The following ATRIP variants were observed in gnomAD, a reference collection of about 807,000 sequenced individuals.
The protein encoded by ATRIP is ATR interacting protein.
In ATRIP, 44 loss-of-function variants were observed where a neutral mutation model predicts 78.1. The ratio of observed to expected loss-of-function variants is 0.56; its 90% CI spans 0.44 to 0.72. The LOEUF (loss-of-function observed/expected upper bound fraction) is 0.72. Ranked by LOEUF, ATRIP falls within the 30% of genes least tolerant of loss-of-function variation. The pLI is 0.00. For missense variants in ATRIP, 927 were observed against 980.2 expected, an observed-to-expected ratio of 0.95 and a Z score of 0.72; for synonymous variants, 388 against 408.9, an observed-to-expected ratio of 0.95 and a Z score of 0.62.
chr3:48,454,609 TATACTCTAGAA>T (rs1271728081), intron 4 of ATRIP, among the ~76,000 whole-genome samples, 191 bp downstream of exon 4: 2 of 152,194 alleles, frequency 1.3e-5, no homozygotes, highest in African/African-American at 4.8e-5. Context: ...CATAAAGGCC[TATACTCTAGAA>T]ATGCTGCCTC....
chr3:48,454,168 A>G (rs1372162380), intron 3 of ATRIP, 132 bp from the exon 4 acceptor site: 2 of 626,106 alleles, frequency 3.2e-6, no homozygotes, highest in Non-Finnish European at 5.8e-6. Flanking sequence ...ATATTTTAGG[A>G]CATTTATGTC....
intron 6 of ATRIP, 108 bp downstream of exon 6, chr3:48,459,562 G>T (rs2107222566): frequency 8.2e-7 from 1 of 1,220,566 alleles, no homozygotes. Context: ...CCTTCAGAGA[G>T]TCCAGGGAAG....
chr3:48,464,818 C>G lies in ATRIP; in HGVS notation c.2056-13C>G. 1 of 1,604,352 alleles carries G rather than the reference C, an allele frequency of 6.2e-7. No individual in the cohort carries two copies. Among genetic ancestry groups the G allele is most frequent in the Non-Finnish European group, 8.5e-7 (1 of 1,172,782 alleles). ...GTGGCACCAGGCCTCAGTCTGCACC[C>G]CCCCTCTCTCAGGTGGTCAGAGCGC... On this transcript the variant is annotated splice_polypyrimidine_tract_variant and intron_variant, in intron 11 of 12. Transcript: ENST00000320211.
At chr3:48,451,112 C>T (rs1055234222) in intron 2 of ATRIP, among the ~76,000 whole-genome samples, 2 of 151,890 alleles carry the variant, frequency 1.3e-5, no homozygotes, top group African/African-American at 4.8e-5. Flanking sequence ...TTGCTGGAAC[C>T]TGGGAGGTGA....
At position 48,467,070 on chromosome 3, in the gene ATRIP, G is replaced by A; in HGVS notation, c.*1516G>A. ...CTTCCCCCTGCTCCAAGCAGAGCTGGCTATGCTGGGCCTCACCAGTGCTCT... is the reference window on the plus strand; with the variant it reads ...CTTCCCCCTGCTCCAAGCAGAGCTGACTATGCTGGGCCTCACCAGTGCTCT... On this transcript the variant is annotated 3_prime_UTR_variant, in exon 13 of 13. Coordinates refer to ENST00000320211, the MANE Select transcript of ATRIP (RefSeq NM_130384.3). 6.2e-7 allele frequency: 1 copy of A among 1,613,988 alleles called. No individual in the cohort carries two copies. The highest frequency in any genetic ancestry group is 2.2e-5 in the East Asian group (1 of 44,876).
chr3:48,466,729 C>T lies in ATRIP; in HGVS notation c.*1175C>T, dbSNP rs201387759. 6 of 1,614,046 alleles carry T rather than the reference C, an allele frequency of 3.7e-6. No individual in the cohort carries two copies. In the African/African-American group the frequency reaches 4.0e-5, roughly 11 times the overall value. ...TTCGACATGGAGGCCACTGGCTTGC[C>T]CTTCTCCCAGCCCAAGGTCACGGAG... On this transcript the variant is annotated 3_prime_UTR_variant, in exon 13 of 13. Transcript: ENST00000320211.
Position 48,457,248 on chromosome 3 carries a change from A to G in ATRIP, c.672-11A>G. On this transcript the variant is annotated splice_polypyrimidine_tract_variant and intron_variant, in intron 4 of 12. Transcript: ENST00000320211. The stretch of plus-strand genomic sequence containing the variant: ...AATCATTACTTTGCTTTCATAGTTA[A>G]CTTTTTCCAGTCCTAGGAAAAACCC... 1 of 1,537,346 alleles carries G rather than the reference A, an allele frequency of 6.5e-7. No homozygotes were observed. Among genetic ancestry groups the G allele is most frequent in the East Asian group, 2.4e-5 (1 of 42,518 alleles).
At position 48,467,481 on chromosome 3, in the gene ATRIP, G is replaced by A; in HGVS notation, c.*1927G>A. On this transcript the variant is annotated 3_prime_UTR_variant, in exon 13 of 13. Transcript: ENST00000320211. ...CAGGGGTACCAAGGATCTTCCTCCA[G>A]TGAAGGACCCTGGAGCCCTATCCAG... The A allele has an allele frequency of 6.2e-7, 1 of 1,614,134 alleles. No homozygotes were observed. Among genetic ancestry groups the A allele is most frequent in the East Asian group, 2.2e-5 (1 of 44,886 alleles).
At chr3:48,458,988 A>C (rs1486012279) in intron 5 of ATRIP, among the ~76,000 whole-genome samples, 1 of 152,220 alleles carries the variant, frequency 6.6e-6, no homozygotes, top group Admixed American at 6.5e-5. Context: ...CAGTTTCCCT[A>C]TATGTAAAAC....
intron 8 of ATRIP, among the ~76,000 whole-genome samples, chr3:48,462,045 A>C (rs563548484): frequency 6.6e-6 from 1 of 152,204 alleles, no homozygotes; most frequent in East Asian, 2.0e-4. Context: ...AATGAATCCC[A>C]GGCTGGGCAC....
In ATRIP at chr3:48,447,025, G is replaced by C; in HGVS notation, c.180G>C (p.Leu60=). Residue 60 remains leucine (L), a synonymous_variant, in exon 1 of 13, where the codon CTG becomes CTC. Transcript: ENST00000320211. ...GAHGDFTADD[L]EELDTLASQA... is the part of the protein sequence containing the mutation. ...ATGGGGACTTCACTGCCGACGACCT[G>C]GAGGAGCTTGACACCCTCGCGTCAC... 1.9e-6 allele frequency: 3 copies of C among 1,574,288 alleles called. No homozygotes were observed. Among genetic ancestry groups the C allele is most frequent in the Non-Finnish European group, 2.6e-6 (3 of 1,162,908 alleles).
rs573397003 is a variant in ATRIP, at chr3:48,465,773, A to G, written c.*219A>G. On this transcript the variant is annotated 3_prime_UTR_variant, in exon 13 of 13. Transcript: ENST00000320211. The stretch of plus-strand genomic sequence containing the variant: ...CCTGGCTGTTGCTGAGCCCGTCCCC[A>G]TGGTAACTGATCTGCCTTGAGGAAG... 58 of 525,264 alleles carry G rather than the reference A, an allele frequency of 1.1e-4. No individual in the cohort carries two copies. Among genetic ancestry groups the G allele is most frequent in the South Asian group, 1.0e-3 (52 of 50,314 alleles). The allele number at this position is 525,264 out of a possible 1,614,324, so 32.5% of individuals were successfully genotyped here.
intron 1 of ATRIP, among the ~76,000 whole-genome samples, chr3:48,448,179 T>C (rs2039733631): frequency 6.6e-6 from 1 of 150,784 alleles, no homozygotes; most frequent in Non-Finnish European, 1.5e-5. Flanking sequence ...TTTTTTTTTT[T>C]TTGACGGAGT....
In ATRIP at chr3:48,447,065, TG is replaced by T. The variant is rs758297238; in HGVS notation, c.221del (p.Cys74PhefsTer18). 1 of 1,564,758 alleles carries T rather than the reference TG, an allele frequency of 6.4e-7. No individual in the cohort carries two copies. Among genetic ancestry groups the T allele is most frequent in the East Asian group, 2.6e-5 (1 of 39,060 alleles). The stretch of plus-strand genomic sequence containing the variant: ...CCTCGCGTCACAGGCCCTGAGCCAA[TG>T]TCCGGCCGCGGCTCGGGACGTGTCC... ...DTLASQALSQ[C>X]PAAARDVSSD... On this transcript the variant is annotated frameshift_variant, in exon 1 of 13. Coordinates refer to ENST00000320211, the MANE Select transcript of ATRIP (RefSeq NM_130384.3). LOFTEE classifies it high-confidence loss of function.
At position 48,451,770 on chromosome 3, in the gene ATRIP, A is replaced by G. The variant is rs376983909; in HGVS notation, c.423A>G (p.Glu141=). The change falls in exon 3 of 13, where the codon GAA becomes GAG. Residue 141 remains glutamate (E), a synonymous_variant. Coordinates refer to ENST00000320211, the MANE Select transcript of ATRIP (RefSeq NM_130384.3). ...AAGAAGTTCTCATTAAGAATGGAGA[A>G]ATTAAAATTTTGCGAGACTCACTAC... ...MEEEVLIKNG[E]IKILRDSLHQ... 2.5e-6 allele frequency: 4 copies of G among 1,607,054 alleles called. No individual in the cohort carries two copies. Among genetic ancestry groups the G allele is most frequent in the Non-Finnish European group, 3.4e-6 (4 of 1,176,372 alleles).
intron 2 of ATRIP, chr3:48,450,650 A>C (rs1361026101): frequency 1.2e-6 from 1 of 838,706 alleles, no homozygotes; most frequent in Non-Finnish European, 1.6e-6. Context: ...ACAGTGACAC[A>C]ATCTTGGCTC....
Position 48,465,785 on chromosome 3 carries a change from C to G in ATRIP, c.*231C>G. On this transcript the variant is annotated 3_prime_UTR_variant, in exon 13 of 13. Transcript: ENST00000320211. Reference sequence around the variant, plus strand: ...TGAGCCCGTCCCCATGGTAACTGATCTGCCTTGAGGAAGGAGCCCTGCCCT... The same window carrying G: ...TGAGCCCGTCCCCATGGTAACTGATGTGCCTTGAGGAAGGAGCCCTGCCCT... The G allele has an allele frequency of 2.0e-6, 1 of 506,940 alleles. No individual in the cohort carries two copies. The highest frequency in any genetic ancestry group is 2.0e-5 in the South Asian group (1 of 49,754). 31.4% of individuals were successfully genotyped at this position (506,940 alleles called of 1,614,324 possible).
chr3:48,463,814 GGCT>G lies in ATRIP; in HGVS notation c.1817_1819del (p.Ala606del), dbSNP rs1339552337. 6.2e-7 allele frequency: 1 copy of G among 1,614,030 alleles called. No homozygotes were observed. Among genetic ancestry groups the G allele is most frequent in the Non-Finnish European group, 8.5e-7 (1 of 1,180,038 alleles). On this transcript the variant is annotated inframe_deletion, in exon 9 of 13. Coordinates refer to ENST00000320211, the MANE Select transcript of ATRIP (RefSeq NM_130384.3). ...AGACACCCCTGCCTAGCGTGCTGCT[GGCT>G]GTTGAGCTCCTCTCCCTGCTGGCGG...
chr3:48,464,532 G>T, intron 10 of ATRIP, 50 bp from the exon 11 acceptor site: 1 of 1,571,496 alleles, frequency 6.4e-7, no homozygotes. Context: ...AACCCTCGCA[G>T]GGACTGGTCT....
Sources: allele counts gnomAD v4.1 joint callset (sites outside exome capture counted in the v4.1 genomes callset), GRCh38; gene constraint gnomAD v4.1.1; transcripts MANE v1.5; gene names NCBI Gene and HGNC (gene_info 2026-07-23, HGNC 2026-07-21).